Variants in SLC19A3 observed in about 807,000 individuals in gnomAD.
The protein encoded by SLC19A3 is thiamine transporter 2.
A neutral mutation model predicts 40.2 loss-of-function variants in SLC19A3; 31 were observed. The ratio of observed to expected loss-of-function variants is 0.77; its 90% confidence interval spans 0.58 to 1.04. The LOEUF (loss-of-function observed/expected upper bound fraction) is 1.04. Among genes scored for constraint, SLC19A3 ranks in the 50% least tolerant of loss-of-function variants. The probability of loss-of-function intolerance (pLI) is 0.00; values close to 1 mark genes in which losing one functional copy is unlikely to be tolerated. For missense variants in SLC19A3, 592 were observed against 596.7 expected, an observed-to-expected ratio of 0.99 and a Z score of 0.08; for synonymous variants, 212 against 227.5, an observed-to-expected ratio of 0.93 and a Z score of 0.61.
intron 5 of SLC19A3, 59 bp from the exon 6 acceptor site, chr2:227,687,632 T>C (rs2106317530): frequency 6.4e-7 from 1 of 1,550,744 alleles, no homozygotes; most frequent in Admixed American, 1.7e-5. Context: ...TCAATGATAA[T>C]ACATCCTAAT....
chr2:227,713,421 A>C (rs1696212831), intron 1 of SLC19A3, among the ~76,000 whole-genome samples: 1 of 150,306 alleles, frequency 6.7e-6, no homozygotes, highest in Admixed American at 6.7e-5. Context: ...AAAAAAAAAA[A>C]AAGAGGGGGT....
intron 1 of SLC19A3, among the ~76,000 whole-genome samples, chr2:227,711,522 C>T (rs1035105942): frequency 1.3e-5 from 2 of 152,198 alleles, no homozygotes; most frequent in African/African-American, 4.8e-5. Flanking sequence ...CTGGCTGTAA[C>T]TTCATCTTAC....
At chr2:227,701,193 C>G in intron 2 of SLC19A3, 1 of 893,374 alleles carries the variant, frequency 1.1e-6, no homozygotes, top group Non-Finnish European at 1.5e-6. Flanking sequence ...ACCTCACCAC[C>G]CGAGGCACCC....
At chr2:227,704,159 A>G (rs1695830802) in intron 1 of SLC19A3, among the ~76,000 whole-genome samples, 1 of 152,184 alleles carries the variant, frequency 6.6e-6, no homozygotes, top group African/African-American at 2.4e-5. Flanking sequence ...AAGAAGGGTA[A>G]GGGTGAAAAG....
chr2:227,701,431 G>A (rs1695683712), intron 2 of SLC19A3, among the ~76,000 whole-genome samples: 1 of 152,110 alleles, frequency 6.6e-6, no homozygotes, highest in South Asian at 2.1e-4. Context: ...AGACCAGCCT[G>A]GCCAACATGG....
At chr2:227,695,283 A>G (rs2106325289) in intron 4 of SLC19A3, among the ~76,000 whole-genome samples, 1 of 152,294 alleles carries the variant, frequency 6.6e-6, no homozygotes, top group Admixed American at 6.5e-5. Context: ...TTTATGTAGA[A>G]AGTTGCTGGA....
At position 227,686,823 on chromosome 2, in the gene SLC19A3, G is replaced by C. The variant is rs981491046; in HGVS notation, c.*574C>G. On this transcript the variant is annotated 3_prime_UTR_variant, in exon 6 of 6. Coordinates refer to ENST00000644224, the MANE Select transcript of SLC19A3 (RefSeq NM_025243.4). ...AATAATAATACTATCAAATCATAAC[G>C]TGAATAATGCTGTTATTAGAGTTGA... 6.6e-6 allele frequency: 1 copy of C among 152,138 alleles called. No homozygotes were observed. Among genetic ancestry groups the C allele is most frequent in the African/African-American group, 2.4e-5 (1 of 41,414 alleles). 9.4% of individuals were successfully genotyped at this position (152,138 alleles called of 1,614,324 possible). A position where few individuals can be genotyped will look rare whatever the true frequency, so the allele number is the denominator to read the frequency against.
In SLC19A3 at chr2:227,699,402, T is replaced by A. The variant is rs1311096123; in HGVS notation, c.313A>T (p.Thr105Ser). The A allele has an allele frequency of 5.6e-6, 9 of 1,614,090 alleles. 1 individual carries two copies. In the South Asian group the frequency reaches 9.9e-5, roughly 18 times the overall value. ...TAGAAGAACTCTACAACCTGCATGG[T>A]CTTCACTCCTTGGCCAAACAACAGC... ...LLLLFGQGVK[T>S]MQVVEFFYGM... The change falls in exon 3 of 6, where the codon ACC becomes TCC. Residue 105 changes from threonine to serine, a missense_variant. Thr to Ser is a moderately conservative substitution (Grantham distance 58). Coordinates refer to ENST00000644224, the MANE Select transcript of SLC19A3 (RefSeq NM_025243.4).
chr2:227,706,252 TC>T, intron 1 of SLC19A3: 1 of 1,184,152 alleles, frequency 8.4e-7, no homozygotes, highest in Non-Finnish European at 1.1e-6. Flanking sequence ...GCTCTAAACG[TC>T]CCTTTGCTTC....
At chr2:227,700,609 C>T (rs1695648996) in intron 2 of SLC19A3, among the ~76,000 whole-genome samples, 1 of 152,128 alleles carries the variant, frequency 6.6e-6, no homozygotes, top group African/African-American at 2.4e-5. Flanking sequence ...ATATTTCAGC[C>T]CTTCCAACAT....
intron 2 of SLC19A3, chr2:227,701,042 TG>T (rs753083417): frequency 4.6e-6 from 6 of 1,304,258 alleles, no homozygotes; most frequent in Middle Eastern, 2.1e-4. Context: ...CAGAACCCAG[TG>T]GATTCATTGA....
intron 3 of SLC19A3, among the ~76,000 whole-genome samples, chr2:227,696,987 C>A (rs1465418525): frequency 1.3e-5 from 2 of 152,114 alleles, no homozygotes; most frequent in African/African-American, 4.8e-5. Flanking sequence ...ATCACTTGAA[C>A]CCTGGAGGCA....
At chr2:227,713,636 C>T (rs1012404067) in intron 1 of SLC19A3, among the ~76,000 whole-genome samples, 5 of 152,016 alleles carry the variant, frequency 3.3e-5, no homozygotes, top group African/African-American at 9.7e-5. Context: ...TCTTTAGAGT[C>T]CATATTAGAA....
At chr2:227,714,593 A>G in intron 1 of SLC19A3, 1 of 984,768 alleles carries the variant, frequency 1.0e-6, no homozygotes, top group Non-Finnish European at 1.2e-6. Context: ...CCTCCTTCAG[A>G]CAGAGCTGCC....
At chr2:227,699,768 C>A (rs969338250) in intron 2 of SLC19A3, among the ~76,000 whole-genome samples, 7 of 152,074 alleles carry the variant, frequency 4.6e-5, no homozygotes, top group Admixed American at 2.6e-4. Context: ...TAGATAAACC[C>A]CGGCAGAAAA....
intron 2 of SLC19A3, chr2:227,701,958 T>C: frequency 1.8e-6 from 1 of 543,038 alleles, no homozygotes; most frequent in Admixed American, 3.2e-5. Flanking sequence ...TAAAAATTTG[T>C]TAACACATGT....
At position 227,695,897 on chromosome 2, in the gene SLC19A3, G is replaced by A. The variant is rs1299669833; in HGVS notation, c.1164C>T (p.Thr388=). 9.9e-6 allele frequency: 16 copies of A among 1,613,870 alleles called. No homozygotes were observed. The highest frequency in any genetic ancestry group is 1.3e-5 in the Non-Finnish European group (15 of 1,179,978). ...IFKSSYMLLI[T]IAVFQIAVNL... ...TGGTTGGTAAAACTTACACTGCTAT[G>A]GTTATAAGAAGCATATAGCTGGACT... The change falls in exon 4 of 6, where the codon ACC becomes ACT. Residue 388 remains threonine (T), a synonymous_variant. Transcript: ENST00000644224.
chr2:227,687,705 G>A (rs1488317408), intron 5 of SLC19A3, 132 bp from the exon 6 acceptor site: 3 of 823,228 alleles, frequency 3.6e-6, no homozygotes, highest in Admixed American at 2.1e-5. Context: ...GGTCATTTAG[G>A]TTGAACAATA....
intron 1 of SLC19A3, among the ~76,000 whole-genome samples, chr2:227,715,239 T>C (rs893214830): frequency 1.3e-5 from 2 of 148,604 alleles, no homozygotes; most frequent in South Asian, 2.3e-4. Flanking sequence ...ATCCTTTATG[T>C]CAAACCCCAC....
Sources: gnomAD v4.1 joint callset for allele counts (sites outside exome capture counted in the v4.1 genomes callset) on GRCh38, gnomAD v4.1.1 for gene constraint, MANE v1.5 for transcripts, NCBI Gene and HGNC (gene_info 2026-07-23, HGNC 2026-07-21) for gene names.